AKAP13: variants seen among roughly 807,000 people sequenced by gnomAD.
AKAP13 encodes A-kinase anchor protein 13.
AKAP13 carries 80 observed loss-of-function variants against 264.5 expected under a neutral mutation model. The ratio of observed to expected loss-of-function variants is 0.30; its 90% CI spans 0.25 to 0.36. The LOEUF is 0.36. Among genes scored for constraint, AKAP13 ranks in the 10% least tolerant of loss-of-function variants. The pLI is 1.00. For synonymous variants in AKAP13, 1,380 were observed against 1,250.2 expected (o/e 1.10, Z -2.19); for missense variants, 3,712 against 3,435.2 (o/e 1.08, Z -2.01).
chr15:85,606,176 A>G (rs1468526011), intron 8 of AKAP13, among the ~76,000 whole-genome samples: 1 of 134,956 alleles, frequency 7.4e-6, no homozygotes, highest in Admixed American at 8.6e-5. Flanking sequence ...ATCTTGGCTC[A>G]CTGCAACCTC....
chr15:85,547,504 C>G (rs1453585749), intron 5 of AKAP13, among the ~76,000 whole-genome samples: 1 of 151,744 alleles, frequency 6.6e-6, no homozygotes, highest in Non-Finnish European at 1.5e-5. Flanking sequence ...AACACTTGAA[C>G]TTTATTTTAA....
intron 15 of AKAP13, chr15:85,683,655 G>T (rs2084733899): frequency 6.6e-6 from 1 of 152,202 alleles, no homozygotes. Context: ...TTTTTTAGTA[G>T]AGACGGGGTT....
At chr15:85,707,968 C>A in intron 17 of AKAP13, 51 bp from the exon 18 acceptor site, 1 of 1,590,232 alleles carries the variant, frequency 6.3e-7, no homozygotes, top group Non-Finnish European at 8.6e-7. Flanking sequence ...AACTCAGAAT[C>A]TGGGATCTGT....
chr15:85,453,898 G>C (rs932947343), intron 1 of AKAP13, among the ~76,000 whole-genome samples: 2 of 152,208 alleles, frequency 1.3e-5, no homozygotes, highest in Non-Finnish European at 2.9e-5. Flanking sequence ...CAACAGCCTG[G>C]CCACGTTTGG....
chr15:85,732,933 C>T (rs2088162732), intron 30 of AKAP13, among the ~76,000 whole-genome samples: 1 of 152,048 alleles, frequency 6.6e-6, no homozygotes, highest in Admixed American at 6.6e-5. Flanking sequence ...CTTTTACTTG[C>T]TGTCCGCATT....
At chr15:85,539,157 T>A (rs1337645847) in intron 4 of AKAP13, among the ~76,000 whole-genome samples, 1 of 152,158 alleles carries the variant, frequency 6.6e-6, no homozygotes, top group Non-Finnish European at 1.5e-5. Context: ...TCAGCTGTCA[T>A]CACTGCTGAA....
At chr15:85,524,895 G>GTGTGTGTGTGTGTGTC (rs1253728213) in intron 3 of AKAP13, among the ~76,000 whole-genome samples, 1 of 151,362 alleles carries the variant, frequency 6.6e-6, no homozygotes, top group African/African-American at 2.4e-5. Context: ...GTGTGTGTGT[G>GTGTGTGTGTGTGTGTC]TGTGTGTCTG....
chr15:85,532,707 G>A (rs16941064), intron 3 of AKAP13, among the ~76,000 whole-genome samples: 83 of 152,330 alleles, frequency 5.4e-4, no homozygotes, highest in East Asian at 5.0e-3. Flanking sequence ...AATTTCAAAA[G>A]AAAGCCCAAT....
At chr15:85,610,733 C>T (rs971635688) in intron 8 of AKAP13, among the ~76,000 whole-genome samples, 15 of 151,606 alleles carry the variant, frequency 9.9e-5, no homozygotes, top group Admixed American at 5.9e-4. Context: ...CCCAGCACTT[C>T]GGGAGGCCGA....
chr15:85,429,879 G>A (rs1289877113), intron 1 of AKAP13, among the ~76,000 whole-genome samples: 2 of 152,126 alleles, frequency 1.3e-5, no homozygotes, highest in East Asian at 3.9e-4. Context: ...TTTATCTTTT[G>A]AATATTCCCT....
At chr15:85,702,353 TCAG>T (rs2085976144) in intron 17 of AKAP13, 1 of 152,214 alleles carries the variant, frequency 6.6e-6, no homozygotes, top group Non-Finnish European at 1.5e-5. Context: ...CTGATTATCT[TCAG>T]CTTCCTGAAG....
chr15:85,692,647 T>C (rs1050455663), intron 16 of AKAP13, among the ~76,000 whole-genome samples: 2 of 152,126 alleles, frequency 1.3e-5, no homozygotes, highest in African/African-American at 4.8e-5. Flanking sequence ...GGTTTGAAAA[T>C]TAGGGCAAAG....
At chr15:85,674,149 A>T (rs1368661929) in intron 14 of AKAP13, among the ~76,000 whole-genome samples, 2 of 151,986 alleles carry the variant, frequency 1.3e-5, no homozygotes. Context: ...TTTTAACTTC[A>T]TATGCTTCTT....
intron 1 of AKAP13, among the ~76,000 whole-genome samples, chr15:85,434,173 C>T (rs2073158129): frequency 6.6e-6 from 1 of 152,076 alleles, no homozygotes; most frequent in South Asian, 2.1e-4. Context: ...TGCAAGGGGT[C>T]AGGGAGTTCC....
rs1029591069 is a variant in AKAP13 at position 85,718,672 on chromosome 15, C to T, written c.6002-404C>T. The T allele has an allele frequency of 6.8e-5, 14 of 204,514 alleles. No individual in the cohort carries two copies. Among genetic ancestry groups the T allele is most frequent in the African/African-American group, 2.6e-4 (11 of 42,054 alleles). The allele number at this position is 204,514 out of a possible 1,614,324, so 12.7% of individuals were successfully genotyped here. A position where few individuals can be genotyped will look rare whatever the true frequency, so the allele number is the denominator to read the frequency against. On this transcript the variant is annotated intron_variant, in intron 22 of 36. Coordinates refer to ENST00000394518, the MANE Select transcript of AKAP13 (RefSeq NM_007200.5). This position sits in a 1 kb window ranked among gnomAD's most constrained non-coding sequence, Gnocchi z 4.9. ...ATCCCAGCACTCTGGGAGGCTGAGG[C>T]GGGTGGATCACTCGAGCCCAGAGTT... is the stretch of plus-strand genomic sequence containing the variant.
At chr15:85,623,235 A>G (rs2081271332) in intron 8 of AKAP13, among the ~76,000 whole-genome samples, 2 of 152,196 alleles carry the variant, frequency 1.3e-5, no homozygotes, top group South Asian at 2.1e-4. Context: ...CTGTTCATTA[A>G]TATTATCTAA....
intron 5 of AKAP13, among the ~76,000 whole-genome samples, chr15:85,569,030 A>T (rs183670877): frequency 2.6e-5 from 4 of 152,330 alleles, no homozygotes; most frequent in African/African-American, 9.6e-5. Context: ...ACACGAAGTC[A>T]ACATGTTCAG....
intron 20 of AKAP13, among the ~76,000 whole-genome samples, chr15:85,716,700 G>C (rs946866196): frequency 4.6e-5 from 7 of 152,052 alleles, no homozygotes; most frequent in African/African-American, 1.7e-4. Flanking sequence ...AGGTATTTTT[G>C]TTTTGTTTTG....
At chr15:85,652,368 CTG>C (rs2082897139) in intron 10 of AKAP13, among the ~76,000 whole-genome samples, 1 of 152,096 alleles carries the variant, frequency 6.6e-6, no homozygotes, top group African/African-American at 2.4e-5. Context: ...ATATAACTGT[CTG>C]TGAGTTGTTT....
Sources: gnomAD v4.1 joint callset for allele counts (sites outside exome capture counted in the v4.1 genomes callset) on GRCh38, gnomAD v4.1.1 for gene constraint, Gnocchi (gnomAD v3.1) non-coding constraint, MANE v1.5 for transcripts, NCBI Gene and HGNC (gene_info 2026-07-23, HGNC 2026-07-21) for gene names.